Variants in LHFPL3 observed in about 807,000 individuals in gnomAD.
LHFPL3 encodes the protein LHFPL tetraspan subfamily member 3 protein.
In LHFPL3, 5 loss-of-function variants were observed where a neutral mutation model predicts 19.3. The observed-to-expected ratio is 0.26, with a 90% CI of 0.14 to 0.54. The LOEUF is 0.54. Among genes scored for constraint, LHFPL3 ranks in the 20% least tolerant of loss-of-function variants. The probability of loss-of-function intolerance (pLI) is 0.94; values close to 1 mark genes in which losing one functional copy is unlikely to be tolerated. For missense variants in LHFPL3, 249 were observed against 307.4 expected (o/e 0.81, Z 1.42); for synonymous variants, 133 against 126.2 (o/e 1.05, Z -0.36).
At chr7:104,566,221 T>G (rs1790121380) in intron 1 of LHFPL3, among the ~76,000 whole-genome samples, 1 of 152,128 alleles carries the variant, frequency 6.6e-6, no homozygotes, top group Admixed American at 6.6e-5. Context: ...CATGATGGCA[T>G]GCACCTGTAG....
At chr7:104,666,513 T>A (rs13227537) in intron 1 of LHFPL3, among the ~76,000 whole-genome samples, 2 of 8,810 alleles carry the variant, frequency 2.3e-4, no homozygotes, top group East Asian at 3.8e-3. Context: ...GATTTCATTC[T>A]TTTTTTTTTT....
At chr7:104,864,112 C>A (rs955097038) in intron 2 of LHFPL3, among the ~76,000 whole-genome samples, 1 of 152,206 alleles carries the variant, frequency 6.6e-6, no homozygotes, top group Non-Finnish European at 1.5e-5. Context: ...AGAGCCCCTT[C>A]TGTGTAAAAG....
chr7:104,650,116 A>C (rs1472317337), intron 1 of LHFPL3, among the ~76,000 whole-genome samples: 1 of 152,208 alleles, frequency 6.6e-6, no homozygotes, highest in Non-Finnish European at 1.5e-5. Context: ...GAAAGTGGCA[A>C]CTGAGAGCAC....
chr7:104,583,759 T>G (rs1790508811), intron 1 of LHFPL3, among the ~76,000 whole-genome samples: 1 of 151,904 alleles, frequency 6.6e-6, no homozygotes, highest in Non-Finnish European at 1.5e-5. Context: ...CACAATGAGA[T>G]ACCATCTCAC....
At chr7:104,877,979 G>A (rs765275498) in intron 2 of LHFPL3, among the ~76,000 whole-genome samples, 22 of 151,948 alleles carry the variant, frequency 1.4e-4, no homozygotes, top group Admixed American at 2.6e-4. Flanking sequence ...GACTACAGGC[G>A]CACGCCACCA....
At chr7:104,396,009 G>A (rs374840254) in intron 1 of LHFPL3, among the ~76,000 whole-genome samples, 1 of 152,116 alleles carries the variant, frequency 6.6e-6, no homozygotes, top group African/African-American at 2.4e-5. Context: ...AAGGCAGGTG[G>A]GACTGAGGGA....
At chr7:104,715,454 A>G (rs532732965) in intron 1 of LHFPL3, among the ~76,000 whole-genome samples, 9 of 152,366 alleles carry the variant, frequency 5.9e-5, no homozygotes, top group African/African-American at 1.9e-4. Context: ...TAGAAATAAC[A>G]AGAGTGGTCA....
At chr7:104,397,885 T>C (rs1198763205) in intron 1 of LHFPL3, among the ~76,000 whole-genome samples, 1 of 152,146 alleles carries the variant, frequency 6.6e-6, no homozygotes, top group East Asian at 1.9e-4. Flanking sequence ...ATGCCAAGGA[T>C]CCTATGGACA....
chr7:104,699,537 G>T (rs558472040), intron 1 of LHFPL3, among the ~76,000 whole-genome samples: 39 of 152,246 alleles, frequency 2.6e-4, no homozygotes, highest in African/African-American at 8.9e-4. Flanking sequence ...GCCAAGGGTT[G>T]GGGAGAAAGG....
chr7:104,729,641 C>T (rs1793655695), intron 1 of LHFPL3, among the ~76,000 whole-genome samples: 2 of 152,054 alleles, frequency 1.3e-5, no homozygotes, highest in South Asian at 2.1e-4. Context: ...CTGTGCCTGG[C>T]TTATTTCACT....
intron 1 of LHFPL3, chr7:104,667,771 A>T: frequency 6.3e-7 from 1 of 1,596,970 alleles, no homozygotes; most frequent in South Asian, 1.1e-5. Context: ...GCAAAAAAGA[A>T]GAATAAGAAG....
intron 1 of LHFPL3, among the ~76,000 whole-genome samples, chr7:104,547,462 T>C (rs892964161): frequency 2.6e-5 from 4 of 152,128 alleles, no homozygotes; most frequent in Non-Finnish European, 5.9e-5. Flanking sequence ...ACCACGAGAA[T>C]TATAGAGTAT....
At chr7:104,886,472 C>T (rs2116696984) in intron 2 of LHFPL3, among the ~76,000 whole-genome samples, 2 of 152,282 alleles carry the variant, frequency 1.3e-5, no homozygotes, top group South Asian at 4.1e-4. Flanking sequence ...TCAAGCAATT[C>T]TCCTGCCTCA....
intron 1 of LHFPL3, among the ~76,000 whole-genome samples, chr7:104,580,432 T>G (rs1790437418): frequency 6.6e-6 from 1 of 152,158 alleles, no homozygotes; most frequent in African/African-American, 2.4e-5. Context: ...AATTTGTGCT[T>G]TATCAGGTAT....
intron 1 of LHFPL3, among the ~76,000 whole-genome samples, chr7:104,607,038 C>G (rs1791116226): frequency 6.6e-6 from 1 of 152,218 alleles, no homozygotes; most frequent in African/African-American, 2.4e-5. Context: ...CTTATGACCA[C>G]TGACCACGTG....
chr7:104,433,838 A>G (rs1792047411), intron 1 of LHFPL3, among the ~76,000 whole-genome samples: 1 of 152,054 alleles, frequency 6.6e-6, no homozygotes, highest in Non-Finnish European at 1.5e-5. Flanking sequence ...TCCCTTCTAC[A>G]CTGTAAGATC....
chr7:104,820,589 G>A (rs1021899995), intron 2 of LHFPL3, among the ~76,000 whole-genome samples: 2 of 152,092 alleles, frequency 1.3e-5, no homozygotes, highest in Non-Finnish European at 2.9e-5. Context: ...CAGTTTATGA[G>A]CAAGGCAGAG....
At chr7:104,772,915 G>A (rs1794577866) in intron 2 of LHFPL3, among the ~76,000 whole-genome samples, 2 of 152,236 alleles carry the variant, frequency 1.3e-5, no homozygotes, top group Non-Finnish European at 2.9e-5. Context: ...TCGGAGTGCT[G>A]TTAACAGCGC....
At chr7:104,759,149 T>A (rs1237522124) in intron 2 of LHFPL3, among the ~76,000 whole-genome samples, 1 of 152,162 alleles carries the variant, frequency 6.6e-6, no homozygotes, top group Admixed American at 6.6e-5. Context: ...AGAACTCCCA[T>A]TTCCTGAACG....
Sources: gnomAD v4.1 joint callset for allele counts (sites outside exome capture counted in the v4.1 genomes callset) on GRCh38, gnomAD v4.1.1 for gene constraint, MANE v1.5 for transcripts, NCBI Gene and HGNC (gene_info 2026-07-23, HGNC 2026-07-21) for gene names.